Variants in CYTH1 observed in about 807,000 individuals in gnomAD.
CYTH1 encodes the protein cytohesin 1.
CYTH1 carries 18 observed loss-of-function variants against 61.8 expected under a neutral mutation model. The ratio of observed to expected loss-of-function variants is 0.29; its 90% CI spans 0.20 to 0.43. The LOEUF is 0.43. Ranked by LOEUF, CYTH1 falls within the 20% of genes least tolerant of loss-of-function variation. The pLI is 1.00. For synonymous variants in CYTH1, 174 were observed against 184.3 expected (o/e 0.94, Z 0.45); for missense variants, 336 against 510.5 (o/e 0.66, Z 3.29).
intron 1 of CYTH1, among the ~76,000 whole-genome samples, chr17:78,747,933 G>C (rs2093365618): frequency 6.6e-6 from 1 of 151,926 alleles, no homozygotes; most frequent in Admixed American, 6.6e-5. Flanking sequence ...CAGTATTTTT[G>C]GCCCTTGAGC....
At chr17:78,739,657 A>ATTT (rs2093334454) in intron 1 of CYTH1, among the ~76,000 whole-genome samples, 1 of 152,158 alleles carries the variant, frequency 6.6e-6, no homozygotes, top group Non-Finnish European at 1.5e-5. Flanking sequence ...GCAACAGAGC[A>ATTT]TTTTGTGGCT....
intron 1 of CYTH1, among the ~76,000 whole-genome samples, chr17:78,728,471 C>T (rs2093277566): frequency 6.6e-6 from 1 of 151,678 alleles, no homozygotes; most frequent in South Asian, 2.1e-4. Flanking sequence ...TCACTTGAAC[C>T]AGGGAGGCAG....
At chr17:78,701,831 C>A in intron 5 of CYTH1, 80 bp from the exon 6 acceptor site, 1 of 1,402,716 alleles carries the variant, frequency 7.1e-7, no homozygotes, top group South Asian at 1.2e-5. Flanking sequence ...GGCCATGTCT[C>A]CTACACTGCG....
At chr17:78,735,835 A>C (rs1430756961) in intron 1 of CYTH1, among the ~76,000 whole-genome samples, 2 of 152,224 alleles carry the variant, frequency 1.3e-5, no homozygotes, top group African/African-American at 4.8e-5. Context: ...CAGCATTACA[A>C]CACCACCATC....
In CYTH1 at chr17:78,692,480, C is replaced by T. The variant is rs1243550366; in HGVS notation, c.828G>A (p.Lys276=). The T allele has an allele frequency of 6.2e-7, 1 of 1,613,952 alleles. No individual in the cohort carries two copies. Among genetic ancestry groups the T allele is most frequent in the East Asian group, 2.2e-5 (1 of 44,876 alleles). The change falls in exon 11 of 14, where the codon AAG becomes AAA. Residue 276 remains lysine (K), a synonymous_variant. Transcript: ENST00000446868. ...GAATGAACCAGCGTCTCTTCCAAGT[C>T]TTTACCCTGCCACCTGCAGAGCAAA... ...WLLKLGGGRV[K]TWKRRWFILT...
At position 78,701,602 on chromosome 17, in the gene CYTH1, C is replaced by T. The variant is rs1416019996; in HGVS notation, c.437+69G>A. 5.7e-6 allele frequency: 8 copies of T among 1,415,910 alleles called. No homozygotes were observed. In the Admixed American group the frequency reaches 8.5e-5, roughly 15 times the overall value. 87.7% of individuals were successfully genotyped at this position (1,415,910 alleles called of 1,614,324 possible). ...GATATAATTTCAATAAAATGCCCCC[C>T]AGGACAGACTCATGATCAAAGGCTA... On this transcript the variant is annotated intron_variant, in intron 6 of 13. Transcript: ENST00000446868.
chr17:78,741,134 C>T (rs1490521677), intron 1 of CYTH1, among the ~76,000 whole-genome samples: 2 of 152,188 alleles, frequency 1.3e-5, no homozygotes, highest in East Asian at 3.8e-4. Flanking sequence ...GTTGTTGATT[C>T]AAGACATTTT....
At chr17:78,773,043 A>C (rs2093477834) in intron 1 of CYTH1, among the ~76,000 whole-genome samples, 1 of 151,920 alleles carries the variant, frequency 6.6e-6, no homozygotes, top group African/African-American at 2.4e-5. Flanking sequence ...ATGTTGCCCA[A>C]GCTGCTCTTG....
intron 11 of CYTH1, among the ~76,000 whole-genome samples, chr17:78,688,881 T>A (rs2092846260): frequency 6.6e-6 from 1 of 152,168 alleles, no homozygotes; most frequent in Admixed American, 6.5e-5. Flanking sequence ...TGAGTAGAAC[T>A]CTTGGCGTTT....
chr17:78,745,369 C>T (rs2093355817), intron 1 of CYTH1, among the ~76,000 whole-genome samples: 1 of 152,040 alleles, frequency 6.6e-6, no homozygotes, highest in African/African-American at 2.4e-5. Flanking sequence ...GAAATAACCT[C>T]CTCCATAAAG....
At chr17:78,765,164 T>C (rs939255155) in intron 1 of CYTH1, among the ~76,000 whole-genome samples, 1 of 152,074 alleles carries the variant, frequency 6.6e-6, no homozygotes, top group African/African-American at 2.4e-5. Flanking sequence ...CAGAGGGGCA[T>C]GGGTATCCCT....
chr17:78,694,116 G>C (rs1026594987), intron 10 of CYTH1, among the ~76,000 whole-genome samples: 5 of 152,214 alleles, frequency 3.3e-5, no homozygotes, highest in African/African-American at 1.2e-4. Flanking sequence ...ATAATGTTAT[G>C]AAAAGAAAAT....
At chr17:78,690,269 C>A (rs1384534324) in intron 11 of CYTH1, among the ~76,000 whole-genome samples, 1 of 151,538 alleles carries the variant, frequency 6.6e-6, no homozygotes, top group Non-Finnish European at 1.5e-5. Flanking sequence ...GCAGCAGCGC[C>A]TGTAGTCCCA....
intron 11 of CYTH1, among the ~76,000 whole-genome samples, chr17:78,681,414 C>G (rs547578088): frequency 2.0e-5 from 3 of 152,126 alleles, no homozygotes; most frequent in Non-Finnish European, 2.9e-5. Flanking sequence ...CTCCAGGAAG[C>G]CTTTCCTAGT....
At position 78,777,297 on chromosome 17, in the gene CYTH1, TAGTCCCAGCTACTCA is replaced by T. The variant is rs1281181528; in HGVS notation, c.22+4890_22+4904del. ...AGCCGGGTGTGGTGGCGGGTGCCTG[TAGTCCCAGCTACTCA>T]GGAGGCTGAGGCAGGAGATGGTGTG... On this transcript the variant is annotated intron_variant, in intron 1 of 13. Transcript: ENST00000446868. Among the ~76,000 whole-genome samples, 5 of 151,630 alleles carry T rather than the reference TAGTCCCAGCTACTCA, an allele frequency of 3.3e-5. No individual in the cohort carries two copies. The South Asian group carries it at 1.0e-3, about 32-fold the overall frequency.
At chr17:78,752,410 C>T (rs1466727436) in intron 1 of CYTH1, among the ~76,000 whole-genome samples, 1 of 152,054 alleles carries the variant, frequency 6.6e-6, no homozygotes, top group Non-Finnish European at 1.5e-5. Flanking sequence ...ATAAACAATG[C>T]TGCCGATCAT....
chr17:78,704,465 C>T (rs1167043919), intron 3 of CYTH1, among the ~76,000 whole-genome samples: 1 of 152,158 alleles, frequency 6.6e-6, no homozygotes, highest in Non-Finnish European at 1.5e-5. Flanking sequence ...TGTTCTCTAG[C>T]TAAATCCATG....
intron 1 of CYTH1, among the ~76,000 whole-genome samples, chr17:78,734,925 C>G (rs1225598613): frequency 6.6e-6 from 1 of 152,146 alleles, no homozygotes; most frequent in Non-Finnish European, 1.5e-5. Context: ...CTGCCCTCCC[C>G]TGGGATCTCA....
chr17:78,749,666 A>T (rs1000057863), intron 1 of CYTH1, among the ~76,000 whole-genome samples: 13 of 149,516 alleles, frequency 8.7e-5, no homozygotes, highest in South Asian at 4.2e-4. Flanking sequence ...ATAAAAAAAT[A>T]AAAAAAAACC....
Sources: gnomAD v4.1 joint callset for allele counts (sites outside exome capture counted in the v4.1 genomes callset) on GRCh38, gnomAD v4.1.1 for gene constraint, MANE v1.5 for transcripts, NCBI Gene and HGNC (gene_info 2026-07-23, HGNC 2026-07-21) for gene names.